Variants in TSC22D1 observed in about 807,000 individuals in gnomAD.
The protein encoded by TSC22D1 is TSC22 domain family member 1.
Under a neutral mutation model 74.2 loss-of-function variants are expected in TSC22D1, and 9 were observed. The ratio of observed to expected loss-of-function variants is 0.12; its 90% CI spans 0.07 to 0.21. TSC22D1 has a LOEUF of 0.21. Ranked by LOEUF, TSC22D1 falls within the 10% of genes least tolerant of loss-of-function variation. TSC22D1 has a pLI of 1.00. For synonymous variants in TSC22D1, 586 were observed against 492.5 expected, an observed-to-expected ratio of 1.19 and a Z score of -2.51; for missense variants, 1,427 against 1,304.7, an observed-to-expected ratio of 1.09 and a Z score of -1.44.
chr13:44,537,946 G>A, intron 1 of TSC22D1: 1 of 985,174 alleles, frequency 1.0e-6, no homozygotes, highest in African/African-American at 1.7e-5. Flanking sequence ...CAAACTGGCA[G>A]CATTAGGTGA....
intron 1 of TSC22D1, among the ~76,000 whole-genome samples, chr13:44,529,343 C>T (rs1460246418): frequency 6.6e-6 from 1 of 151,876 alleles, no homozygotes; most frequent in Non-Finnish European, 1.5e-5. Context: ...TCAATAAATG[C>T]AGAAAAAGCA....
chr13:44,473,785 A>T (rs889331370), intron 1 of TSC22D1, among the ~76,000 whole-genome samples: 1 of 152,192 alleles, frequency 6.6e-6, no homozygotes, highest in Non-Finnish European at 1.5e-5. Context: ...TACAGCTAAC[A>T]TCATCTTTAA....
chr13:44,444,278 CAAAAAAAAAAAAAAAAAAAA>C (rs71070905), intron 1 of TSC22D1, among the ~76,000 whole-genome samples: 12 of 17,580 alleles, frequency 6.8e-4, no homozygotes, highest in African/African-American at 2.4e-4. Context: ...GACTCTGTCT[CAAAAAAAAAAAAAAAAAAAA>C]AAAAAAAAAA....
At chr13:44,544,352 A>C (rs1312854837) in intron 1 of TSC22D1, among the ~76,000 whole-genome samples, 1 of 151,350 alleles carries the variant, frequency 6.6e-6, no homozygotes, top group Non-Finnish European at 1.5e-5. Flanking sequence ...ACAAAACAAA[A>C]AGGCAAAAAA....
Position 44,432,303 on chromosome 13 carries a change from A to G in TSC22D1, c.*2323T>C, listed in dbSNP as rs1267212602. ...TAATACACTGACATGAGATTTTTCA[A>G]ATTTTCCACGATTACCACCTATGGT... is the stretch of plus-strand genomic sequence containing the variant. On this transcript the variant is annotated 3_prime_UTR_variant, in exon 3 of 3. Coordinates refer to ENST00000458659, the MANE Select transcript of TSC22D1 (RefSeq NM_183422.4). The G allele has an allele frequency of 6.6e-6, 1 of 152,224 alleles. No individual in the cohort carries two copies. Among genetic ancestry groups the G allele is most frequent in the Non-Finnish European group, 1.5e-5 (1 of 68,032 alleles). 9.4% of individuals were successfully genotyped at this position (152,224 alleles called of 1,614,324 possible).
chr13:44,548,243 G>T (rs560068296), intron 1 of TSC22D1, among the ~76,000 whole-genome samples: 1 of 152,178 alleles, frequency 6.6e-6, no homozygotes, highest in African/African-American at 2.4e-5. Flanking sequence ...GGGGCTGGGC[G>T]CGGTGGCGCA....
chr13:44,572,716 C>A (rs1175822112), intron 1 of TSC22D1, among the ~76,000 whole-genome samples: 2 of 152,192 alleles, frequency 1.3e-5, no homozygotes, highest in Non-Finnish European at 2.9e-5. Flanking sequence ...CAATATCTTT[C>A]ACAGACTAAG....
chr13:44,527,691 A>T (rs1159089888), intron 1 of TSC22D1, among the ~76,000 whole-genome samples: 1 of 152,150 alleles, frequency 6.6e-6, no homozygotes, highest in Admixed American at 6.5e-5. Flanking sequence ...AATCCAACTA[A>T]ATCAATAATC....
chr13:44,433,889 G>T lies in TSC22D1; in HGVS notation c.*737C>A. 8.0e-7 allele frequency: 1 copy of T among 1,248,074 alleles called. No homozygotes were observed. Among genetic ancestry groups the T allele is most frequent in the Non-Finnish European group, 1.1e-6 (1 of 927,352 alleles). The allele number at this position is 1,248,074 out of a possible 1,614,324, so 77.3% of individuals were successfully genotyped here. On this transcript the variant is annotated 3_prime_UTR_variant, in exon 3 of 3. Coordinates refer to ENST00000458659, the MANE Select transcript of TSC22D1 (RefSeq NM_183422.4). ...ATAAAAGTCCACACCTCCTCAGACA[G>T]CCAATGAAACAACTAAATTTCAATC...
At chr13:44,536,228 A>T (rs761532580) in intron 1 of TSC22D1, among the ~76,000 whole-genome samples, 2 of 151,832 alleles carry the variant, frequency 1.3e-5, no homozygotes, top group Non-Finnish European at 3.0e-5. Context: ...TTACATTTTA[A>T]TCCACCAATT....
intron 1 of TSC22D1, among the ~76,000 whole-genome samples, chr13:44,568,777 G>C (rs972544716): frequency 6.6e-6 from 1 of 152,216 alleles, no homozygotes; most frequent in East Asian, 1.9e-4. Context: ...AGAGGGTGGG[G>C]AAAGGAGGGG....
chr13:44,487,931 G>A (rs143437966), intron 1 of TSC22D1, among the ~76,000 whole-genome samples: 2 of 152,036 alleles, frequency 1.3e-5, no homozygotes, highest in Admixed American at 6.6e-5. Flanking sequence ...GGTGGTGCAC[G>A]CCTGTAATCC....
At chr13:44,516,509 AAC>A (rs923720629) in intron 1 of TSC22D1, among the ~76,000 whole-genome samples, 1 of 152,170 alleles carries the variant, frequency 6.6e-6, no homozygotes, top group African/African-American at 2.4e-5. Context: ...AGGACACCCC[AAC>A]ACATCAAAGA....
At chr13:44,493,301 T>C (rs1490191290) in intron 1 of TSC22D1, among the ~76,000 whole-genome samples, 1 of 152,172 alleles carries the variant, frequency 6.6e-6, no homozygotes. Context: ...GCAGAGCAGA[T>C]CTTATTTTCA....
In TSC22D1 at chr13:44,434,536, T is replaced by A; in HGVS notation, c.*90A>T. ...GTCTCTTTCGCAGCGAGCAATGAAA[T>A]GGGTGACTGTGGAGGCAGATTCTCC... On this transcript the variant is annotated 3_prime_UTR_variant, in exon 3 of 3. Coordinates refer to ENST00000458659, the MANE Select transcript of TSC22D1 (RefSeq NM_183422.4). 1 of 1,472,342 alleles carries A rather than the reference T, an allele frequency of 6.8e-7. No homozygotes were observed. The highest frequency in any genetic ancestry group is 9.0e-7 in the Non-Finnish European group (1 of 1,115,040). The allele number at this position is 1,472,342 out of a possible 1,614,324, so 91.2% of individuals were successfully genotyped here.
intron 1 of TSC22D1, chr13:44,539,656 GT>G (rs2138091378): frequency 8.6e-7 from 1 of 1,157,620 alleles, no homozygotes; most frequent in Non-Finnish European, 1.1e-6. Flanking sequence ...ACAGATTGCA[GT>G]CCCACCTGGT....
In TSC22D1 at chr13:44,433,509, TG is replaced by T. The variant is rs1020019540; in HGVS notation, c.*1116del. The T allele has an allele frequency of 6.5e-6, 1 of 152,848 alleles. No homozygotes were observed. Among genetic ancestry groups the T allele is most frequent in the Non-Finnish European group, 1.5e-5 (1 of 68,504 alleles). 9.5% of individuals were successfully genotyped at this position (152,848 alleles called of 1,614,324 possible). A position where few individuals can be genotyped will look rare whatever the true frequency, so the allele number is the denominator to read the frequency against. ...CTGCCATTATGTTAACAGGGTCATA[TG>T]AAAAACACTTGTTTATCAACATTTA... On this transcript the variant is annotated 3_prime_UTR_variant, in exon 3 of 3. Coordinates refer to ENST00000458659, the MANE Select transcript of TSC22D1 (RefSeq NM_183422.4).
chr13:44,576,347 C>A (rs1403516409), upstream of TSC22D1: 4 of 442,456 alleles, frequency 9.0e-6, no homozygotes, highest in Middle Eastern at 1.8e-3. Flanking sequence ...TAGCCTCACA[C>A]CCCCCTTTAT....
intron 1 of TSC22D1, among the ~76,000 whole-genome samples, chr13:44,560,707 C>T (rs902735271): frequency 2.0e-5 from 3 of 152,148 alleles, no homozygotes; most frequent in Admixed American, 6.5e-5. Context: ...GGAGGCAATA[C>T]GACTAAAACA....
Sources: gnomAD v4.1 joint callset for allele counts (sites outside exome capture counted in the v4.1 genomes callset) on GRCh38, gnomAD v4.1.1 for gene constraint, MANE v1.5 for transcripts, NCBI Gene and HGNC (gene_info 2026-07-23, HGNC 2026-07-21) for gene names.